The following CTTN variants were observed in gnomAD, a reference collection of about 807,000 sequenced individuals.
CTTN encodes the protein cortactin.
A neutral mutation model predicts 84.0 loss-of-function variants in CTTN; 28 were observed. The ratio of observed to expected loss-of-function variants is 0.33; its 90% CI spans 0.25 to 0.46. The LOEUF (loss-of-function observed/expected upper bound fraction) is 0.46, where lower values mean the gene tolerates loss of function less well. Ranked by LOEUF, CTTN falls within the 20% of genes least tolerant of loss-of-function variation. The pLI is 1.00. For missense variants in CTTN, 641 were observed against 723.8 expected, an observed-to-expected ratio of 0.89 and a Z score of 1.31; for synonymous variants, 301 against 288.8, an observed-to-expected ratio of 1.04 and a Z score of -0.43.
intron 4 of CTTN, chr11:70,408,225 T>C (rs2058064540): frequency 6.6e-6 from 1 of 152,234 alleles, no homozygotes; most frequent in Admixed American, 6.5e-5. Flanking sequence ...TGGATCCTCC[T>C]TTCCCTGGCT....
chr11:70,422,644 CCT>C, intron 11 of CTTN: 2 of 1,384,186 alleles, frequency 1.4e-6, no homozygotes, highest in Admixed American at 4.3e-5. Flanking sequence ...CTGTCCGTGC[CCT>C]CTTTCCTCGC....
At chr11:70,416,853 G>T (rs1482334529) in intron 7 of CTTN, 160 bp from the exon 8 acceptor site, 2 of 627,984 alleles carry the variant, frequency 3.2e-6, no homozygotes, top group Non-Finnish European at 5.8e-6. Context: ...AGGGTCCAGC[G>T]TCACCTGTAT....
chr11:70,417,197 A>G (rs2058173893), intron 8 of CTTN, 74 bp downstream of exon 8: 5 of 1,096,346 alleles, frequency 4.6e-6, no homozygotes, highest in South Asian at 3.7e-5. Flanking sequence ...CTCTCTGCAC[A>G]CGTGATTGTT....
At chr11:70,414,848 T>A (rs997570719) in intron 6 of CTTN, among the ~76,000 whole-genome samples, 196 bp downstream of exon 6, 6 of 152,122 alleles carry the variant, frequency 3.9e-5, no homozygotes, top group Non-Finnish European at 7.4e-5. Context: ...GCGGCGGGCT[T>A]GCTGTAGCAG....
Position 70,417,033 on chromosome 11 carries a change from G to C in CTTN, c.478G>C (p.Gly160Arg). Residue 160 changes from glycine to arginine, a missense_variant, in exon 8 of 18, where the codon GGC becomes CGC. Coordinates refer to ENST00000301843, the MANE Select transcript of CTTN (RefSeq NM_005231.4). ...TCCAGACTACTCCAGTGGTTTTGGCGGCAAGTATGGCGTGCAGGCCGACCG... is the reference window on the plus strand; with the variant it reads ...TCCAGACTACTCCAGTGGTTTTGGCCGCAAGTATGGCGTGCAGGCCGACCG... ...SQKDYSSGFG[G>R]KYGVQADRVD... is the part of the protein sequence containing the mutation. 2 of 1,614,190 alleles carry C rather than the reference G, an allele frequency of 1.2e-6. No individual in the cohort carries two copies. The highest frequency in any genetic ancestry group is 1.7e-6 in the Non-Finnish European group (2 of 1,180,032).
intron 7 of CTTN, chr11:70,416,634 C>T (rs1262054420): frequency 2.4e-5 from 4 of 165,634 alleles, no homozygotes; most frequent in Non-Finnish European, 2.6e-5. Flanking sequence ...GGTTTTGCCA[C>T]GTTGGCCAGG....
chr11:70,421,880 C>G, intron 11 of CTTN: 1 of 361,722 alleles, frequency 2.8e-6, no homozygotes, highest in Non-Finnish European at 5.0e-6. Flanking sequence ...CATCTCCGGT[C>G]TCCAGCAGCA....
intron 4 of CTTN, among the ~76,000 whole-genome samples, chr11:70,408,714 A>T (rs1335089929): frequency 6.6e-6 from 1 of 152,006 alleles, no homozygotes; most frequent in African/African-American, 2.4e-5. Flanking sequence ...GTGGCTTTTT[A>T]TACACAAGTT....
chr11:70,408,345 A>C (rs2058065678), intron 4 of CTTN: 1 of 152,218 alleles, frequency 6.6e-6, no homozygotes, highest in South Asian at 2.1e-4. Context: ...TCCAGAAAAG[A>C]AGGCACAGCC....
In CTTN at chr11:70,433,629, G is replaced by A; in HGVS notation, c.1445-18G>A. The A allele has an allele frequency of 6.3e-7, 1 of 1,584,000 alleles. No individual in the cohort carries two copies. On this transcript the variant is annotated intron_variant, in intron 16 of 17. Transcript: ENST00000301843. ...GTGGGACTTTGTATTGTTCAGCTCT[G>A]TCATGGCTTTCTTTTAGAGGACAGC...
intron 13 of CTTN, among the ~76,000 whole-genome samples, chr11:70,428,005 G>T (rs2135591018): frequency 6.6e-6 from 1 of 152,218 alleles, no homozygotes; most frequent in South Asian, 2.1e-4. Context: ...ACCATAGTTG[G>T]ACTGTCAGTT....
intron 2 of CTTN, among the ~76,000 whole-genome samples, chr11:70,406,185 A>G (rs1326237235): frequency 1.3e-5 from 2 of 152,236 alleles, no homozygotes; most frequent in African/African-American, 2.4e-5. Context: ...TTCTTCCCCA[A>G]GAGACAAAGT....
At chr11:70,413,797 C>G (rs1456101468) in intron 5 of CTTN, among the ~76,000 whole-genome samples, 2 of 152,182 alleles carry the variant, frequency 1.3e-5, no homozygotes, top group Middle Eastern at 6.3e-3. Flanking sequence ...TGTTTATAGT[C>G]TATTAGAACA....
At chr11:70,404,244 T>C (rs1216097575) in intron 1 of CTTN, among the ~76,000 whole-genome samples, 1 of 152,226 alleles carries the variant, frequency 6.6e-6, no homozygotes, top group Non-Finnish European at 1.5e-5. Context: ...CCCTAGTTCC[T>C]AATGCGTGAG....
rs753660916 is a variant in CTTN, at chr11:70,407,348, G to A, written c.51G>A (p.Ala17=). The change falls in exon 3 of 18, where the codon GCG becomes GCA. Residue 17 remains alanine (A), a synonymous_variant. Coordinates refer to ENST00000301843, the MANE Select transcript of CTTN (RefSeq NM_005231.4). ...CTGTGTCCATCGCCCAGGATGACGCGGGGGCCGATGACTGGGAGACCGACC... is the reference window on the plus strand; with the variant it reads ...CTGTGTCCATCGCCCAGGATGACGCAGGGGCCGATGACTGGGAGACCGACC... ...GHAVSIAQDD[A]GADDWETDPD... is the part of the protein sequence containing the mutation. 19 of 1,568,846 alleles carry A rather than the reference G, an allele frequency of 1.2e-5. No homozygotes were observed. Among genetic ancestry groups the A allele is most frequent in the Middle Eastern group, 1.7e-4 (1 of 5,722 alleles).
intron 10 of CTTN, among the ~76,000 whole-genome samples, chr11:70,421,075 A>G (rs2058230748): frequency 6.6e-6 from 1 of 152,204 alleles, no homozygotes; most frequent in Non-Finnish European, 1.5e-5. Context: ...GCCCTGAGAG[A>G]AGCAGGAGCG....
chr11:70,433,908 T>C (rs530132624), intron 17 of CTTN, among the ~76,000 whole-genome samples, 190 bp downstream of exon 17: 1 of 152,300 alleles, frequency 6.6e-6, no homozygotes, highest in Admixed American at 6.5e-5. Context: ...GGATTCCATC[T>C]CTGCACACAC....
At position 70,406,721 on chromosome 11, in the gene CTTN, C is replaced by G. The variant is rs534804214; in HGVS notation, c.1-577C>G. 1.2e-4 allele frequency among the ~76,000 whole-genome samples: 18 copies of G among 152,198 alleles called. No individual in the cohort carries two copies. In the South Asian group the frequency reaches 3.5e-3, roughly 30 times the overall value. On this transcript the variant is annotated intron_variant, in intron 2 of 17. Transcript: ENST00000301843. ...TGGCATTTTATATTCCTGTTTTCTTCCAAGTAGAGAGTAAAGCAATTCTCC... is the reference window on the plus strand; with the variant it reads ...TGGCATTTTATATTCCTGTTTTCTTGCAAGTAGAGAGTAAAGCAATTCTCC...
Position 70,409,561 on chromosome 11 carries a change from C to T in CTTN, c.162-270C>T, listed in dbSNP as rs894591663. Among the ~76,000 whole-genome samples the T allele has an allele frequency of 6.0e-4, 92 of 152,098 alleles. 1 individual carries two copies. Among genetic ancestry groups the T allele is most frequent in the African/African-American group, 2.2e-3 (91 of 41,408 alleles). Reference sequence around the variant, plus strand: ...CAGGCTTCAGTAGAGCCATCTTTAGCGGGGATTTGGGATGATCCCAGTGTC... The same window carrying T: ...CAGGCTTCAGTAGAGCCATCTTTAGTGGGGATTTGGGATGATCCCAGTGTC... On this transcript the variant is annotated intron_variant, in intron 4 of 17. Coordinates refer to ENST00000301843, the MANE Select transcript of CTTN (RefSeq NM_005231.4).
Sources: gnomAD v4.1 joint callset for allele counts (sites outside exome capture counted in the v4.1 genomes callset) on GRCh38, gnomAD v4.1.1 for gene constraint, MANE v1.5 for transcripts, NCBI Gene and HGNC (gene_info 2026-07-23, HGNC 2026-07-21) for gene names.